Variants in TUBGCP5 observed in about 807,000 individuals in gnomAD.
TUBGCP5 encodes gamma-tubulin complex component 5.
In TUBGCP5, 98 loss-of-function variants were observed where a neutral mutation model predicts 134.7. That is an observed-to-expected ratio of 0.73 (90% CI 0.62 to 0.86). The LOEUF is 0.86. Among genes scored for constraint, TUBGCP5 ranks in the 40% least tolerant of loss-of-function variants. TUBGCP5 has a pLI of 0.00. For missense variants in TUBGCP5, 1,150 were observed against 1,244.8 expected (o/e 0.92, Z 1.15); for synonymous variants, 456 against 431.4 (o/e 1.06, Z -0.71).
At chr15:22,998,164 A>C (rs2064181219), downstream of TUBGCP5, among the ~76,000 whole-genome samples, 2 of 151,808 alleles carry the variant, frequency 1.3e-5, no homozygotes. Context: ...AAAATACAAA[A>C]ATTAGCTGGG....
chr15:23,010,358 T>C (rs376504809), intron 14 of TUBGCP5, among the ~76,000 whole-genome samples: 11 of 152,346 alleles, frequency 7.2e-5, no homozygotes, highest in African/African-American at 2.6e-4. Context: ...TGATTAGGGC[T>C]GGACACAGCA....
In TUBGCP5 at chr15:23,039,422, AG is replaced by A. The variant is rs771334847; in HGVS notation, c.121del (p.Leu41Ter). 1 of 1,525,816 alleles carries A rather than the reference AG, an allele frequency of 6.6e-7. No homozygotes were observed. Among genetic ancestry groups the A allele is most frequent in the Non-Finnish European group, 8.8e-7 (1 of 1,130,820 alleles). 94.5% of individuals were successfully genotyped at this position (1,525,816 alleles called of 1,614,324 possible). A position where few individuals can be genotyped will look rare whatever the true frequency, so the allele number is the denominator to read the frequency against. ...CCTGAAGTTGGACCAGGCGAAGTTT[AG>A]GGCGAGCTGGAAGTTGGGGTCTGCC... is the stretch of plus-strand genomic sequence containing the variant. ...DEADPNFQLA[L>X]NFAWSNFRFH... On this transcript the variant is annotated frameshift_variant, in exon 1 of 23. Coordinates refer to ENST00000615383, the MANE Select transcript of TUBGCP5 (RefSeq NM_052903.6). LOFTEE classifies it high-confidence loss of function.
At chr15:23,034,875 T>C (rs1323800149) in intron 3 of TUBGCP5, among the ~76,000 whole-genome samples, 1 of 150,940 alleles carries the variant, frequency 6.6e-6, no homozygotes, top group Non-Finnish European at 1.5e-5. Flanking sequence ...ACAGGAACAA[T>C]AATAAAAATG....
At chr15:23,007,762 C>T (rs2064811384) in intron 16 of TUBGCP5, among the ~76,000 whole-genome samples, 1 of 152,198 alleles carries the variant, frequency 6.6e-6, no homozygotes. Context: ...ATAGCTTTCT[C>T]CCTTCTAAGA....
In TUBGCP5 at chr15:23,039,418, G is replaced by A. The variant is rs757026119; in HGVS notation, c.126C>T (p.Asn42=). Residue 42 remains asparagine, a synonymous_variant, in exon 1 of 23, where the codon AAC becomes AAT. Coordinates refer to ENST00000615383, the MANE Select transcript of TUBGCP5 (RefSeq NM_052903.6). Reference sequence around the variant, plus strand: ...CACACCTGAAGTTGGACCAGGCGAAGTTTAGGGCGAGCTGGAAGTTGGGGT... The same window carrying A: ...CACACCTGAAGTTGGACCAGGCGAAATTTAGGGCGAGCTGGAAGTTGGGGT... ...EADPNFQLAL[N]FAWSNFRFHR... 3 of 1,525,962 alleles carry A rather than the reference G, an allele frequency of 2.0e-6. No homozygotes were observed. The allele number at this position is 1,525,962 out of a possible 1,614,324, so 94.5% of individuals were successfully genotyped here. A position where few individuals can be genotyped will look rare whatever the true frequency, so the allele number is the denominator to read the frequency against.
chr15:22,991,404 CTT>C (rs2063842146), intron 23 of TUBGCP5, among the ~76,000 whole-genome samples: 1 of 152,128 alleles, frequency 6.6e-6, no homozygotes. Context: ...CCAAATTACT[CTT>C]TCTTAACTTA....
chr15:23,009,273 A>ATTTTT (rs536559427), intron 15 of TUBGCP5, among the ~76,000 whole-genome samples: 1 of 145,410 alleles, frequency 6.9e-6, no homozygotes, highest in Non-Finnish European at 1.5e-5. Context: ...AATTGCCATA[A>ATTTTT]TTTTTTTTTT....
At chr15:23,021,681 T>C (rs2065706083) in intron 11 of TUBGCP5, among the ~76,000 whole-genome samples, 1 of 152,198 alleles carries the variant, frequency 6.6e-6, no homozygotes, top group Admixed American at 6.5e-5. Context: ...TAGTTACATG[T>C]TAGTGTTTAT....
At chr15:23,004,283 C>A in intron 19 of TUBGCP5, 56 bp from the exon 20 acceptor site, 1 of 1,581,666 alleles carries the variant, frequency 6.3e-7, no homozygotes, top group Non-Finnish European at 8.6e-7. Flanking sequence ...GACTTGTGTG[C>A]TGCACACAAA....
intron 23 of TUBGCP5, among the ~76,000 whole-genome samples, chr15:22,984,939 C>G (rs558265689): frequency 1.1e-4 from 17 of 152,194 alleles, no homozygotes; most frequent in African/African-American, 3.6e-4. Context: ...AGTGAAAAGA[C>G]ATAGACAATA....
At chr15:23,029,282 T>A (rs938230147) in intron 6 of TUBGCP5, among the ~76,000 whole-genome samples, 1 of 152,172 alleles carries the variant, frequency 6.6e-6, no homozygotes, top group Non-Finnish European at 1.5e-5. Context: ...AGTGCAATGG[T>A]GTGATCTTGG....
chr15:23,036,581 A>T (rs1343859806), intron 3 of TUBGCP5, among the ~76,000 whole-genome samples: 2 of 152,076 alleles, frequency 1.3e-5, no homozygotes, highest in Non-Finnish European at 2.9e-5. Flanking sequence ...GCATCTACAG[A>T]CAGTCACTGC....
intron 13 of TUBGCP5, among the ~76,000 whole-genome samples, chr15:23,016,965 GTGAGATATATATATATAT>G (rs2065356645): frequency 4.8e-5 from 3 of 62,996 alleles, no homozygotes; most frequent in Non-Finnish European, 6.3e-5. Flanking sequence ...TAAAAAAATT[GTGAGATATATATATATAT>G]ATATGTATAT....
intron 13 of TUBGCP5, 60 bp downstream of exon 13, chr15:23,017,713 A>G: frequency 6.6e-7 from 1 of 1,509,150 alleles, no homozygotes; most frequent in African/African-American, 1.4e-5. Flanking sequence ...CAGGATGACA[A>G]GAGCGAGTAG....
chr15:23,030,936 A>G lies in TUBGCP5; in HGVS notation c.571T>C (p.Leu191=), dbSNP rs771477025. The G allele has an allele frequency of 6.2e-7, 1 of 1,613,642 alleles. No homozygotes were observed. The highest frequency in any genetic ancestry group is 2.2e-5 in the East Asian group (1 of 44,842). ...DSGIQVDRTP[L]EEQDQNRKLD... ...TTTCTGTTTTGATCTTGTTCTTCTA[A>G]CGGTGTCCTGTCTACCTGAATTCCA... is the stretch of plus-strand genomic sequence containing the variant. Residue 191 remains leucine, a synonymous_variant, in exon 6 of 23, where the codon TTA becomes CTA. Transcript: ENST00000615383.
intron 3 of TUBGCP5, among the ~76,000 whole-genome samples, chr15:23,034,833 C>CA (rs1436461039): frequency 7.3e-5 from 11 of 150,774 alleles, no homozygotes; most frequent in African/African-American, 2.4e-4. Flanking sequence ...TCTCAAAAAA[C>CA]AAAAAAACAA....
chr15:23,032,065 ATATC>A (rs771430823), intron 4 of TUBGCP5, 36 bp from the exon 5 acceptor site: 17 of 1,517,066 alleles, frequency 1.1e-5, no homozygotes, highest in Admixed American at 1.8e-5. Context: ...TGGCTTTATT[ATATC>A]TATCTTTGAA....
At chr15:22,987,623 G>A (rs7169008) in intron 23 of TUBGCP5, among the ~76,000 whole-genome samples, 3,419 of 151,164 alleles carry the variant, frequency 0.023, 106 homozygotes, top group East Asian at 0.11. Flanking sequence ...GGGGCCAGGC[G>A]CGGTGGCTCA....
chr15:23,017,889 G>C lies in TUBGCP5; in HGVS notation c.1640C>G (p.Thr547Ser). 1 of 1,614,142 alleles carries C rather than the reference G, an allele frequency of 6.2e-7. No individual in the cohort carries two copies. Among genetic ancestry groups the C allele is most frequent in the Non-Finnish European group, 8.5e-7 (1 of 1,180,016 alleles). Reference sequence around the variant, plus strand: ...GACAGGTTTGAGGAAGGACACCATGGTGTGCTGCCTGCTGGAGGGCCCCTG... The same window carrying C: ...GACAGGTTTGAGGAAGGACACCATGCTGTGCTGCCTGCTGGAGGGCCCCTG... Reference protein sequence around the residue: ...SDQGPSSRQHTMVSFLKPVLK... With the variant: ...SDQGPSSRQHSMVSFLKPVLK... Residue 547 changes from threonine to serine, a missense_variant, in exon 13 of 23, where the codon ACC becomes AGC. Thr to Ser is a moderately conservative substitution (Grantham distance 58). This residue lies in a region of TUBGCP5 where 697 missense variants were observed against 850.1 expected (regional missense o/e 0.82). Coordinates refer to ENST00000615383, the MANE Select transcript of TUBGCP5 (RefSeq NM_052903.6).
Sources: gnomAD v4.1 joint callset for allele counts (sites outside exome capture counted in the v4.1 genomes callset) on GRCh38, gnomAD v4.1.1 for gene constraint, gnomAD v4.1.1 regional missense constraint, MANE v1.5 for transcripts, NCBI Gene and HGNC (gene_info 2026-07-23, HGNC 2026-07-21) for gene names.